Variants in ABCA9 observed in about 807,000 individuals in gnomAD.
The protein encoded by ABCA9 is ATP-binding cassette sub-family A member 9.
In ABCA9, 183 loss-of-function variants were observed where a neutral mutation model predicts 205.3. The observed-to-expected ratio is 0.89, with a 90% CI of 0.79 to 1.01. The LOEUF (loss-of-function observed/expected upper bound fraction) is 1.01, where lower values mean the gene tolerates loss of function less well. Among genes scored for constraint, ABCA9 ranks in the 50% least tolerant of loss-of-function variants. The pLI is 0.00. For missense variants in ABCA9, 1,805 were observed against 1,912.4 expected, an observed-to-expected ratio of 0.94 and a Z score of 1.05; for synonymous variants, 651 against 683.3, an observed-to-expected ratio of 0.95 and a Z score of 0.74.
At chr17:69,044,866 T>A (rs1352642743) in intron 4 of ABCA9, among the ~76,000 whole-genome samples, 1 of 152,240 alleles carries the variant, frequency 6.6e-6, no homozygotes, top group African/African-American at 2.4e-5. Context: ...TTGGATCTTC[T>A]GTTGCTTACG....
At chr17:68,991,080 A>G in intron 28 of ABCA9, 123 bp from the exon 29 acceptor site, 1 of 1,091,758 alleles carries the variant, frequency 9.2e-7, no homozygotes, top group Non-Finnish European at 1.3e-6. Context: ...CATCCTCTCT[A>G]TTCTTCTACT....
chr17:69,054,183 T>C (rs1439629088), intron 1 of ABCA9, among the ~76,000 whole-genome samples: 1 of 151,828 alleles, frequency 6.6e-6, no homozygotes, highest in African/African-American at 2.4e-5. Flanking sequence ...CTTGCAAAAA[T>C]ATGAAAAGAA....
chr17:69,046,866 G>T (rs923968128), intron 3 of ABCA9, among the ~76,000 whole-genome samples: 5 of 127,586 alleles, frequency 3.9e-5, no homozygotes, highest in Non-Finnish European at 3.2e-5. Flanking sequence ...GCCTGAAGGC[G>T]ATTTTATACT....
intron 1 of ABCA9, among the ~76,000 whole-genome samples, chr17:69,053,801 G>A (rs915262311): frequency 1.3e-5 from 2 of 151,894 alleles, no homozygotes; most frequent in Non-Finnish European, 2.9e-5. Context: ...CCCAGATAAC[G>A]GCTAGACACC....
chr17:69,017,959 G>A, intron 20 of ABCA9, 170 bp from the exon 21 acceptor site: 1 of 592,734 alleles, frequency 1.7e-6, no homozygotes, highest in South Asian at 2.7e-5. Flanking sequence ...TAACATCATA[G>A]GTATGACAAG....
rs565044128 is a variant in ABCA9, at chr17:69,020,231, T to A, written c.2600+157A>T. On this transcript the variant is annotated intron_variant, in intron 19 of 38. Transcript: ENST00000340001. ...CTGTTTTAATTATATATCCACATGA[T>A]TAAAAATGGTTTCTTTAATTAAAAA... is the stretch of plus-strand genomic sequence containing the variant. 8.5e-5 allele frequency among the ~76,000 whole-genome samples: 13 copies of A among 152,326 alleles called. 1 individual carries two copies. Among genetic ancestry groups the A allele is most frequent in the African/African-American group, 2.9e-4 (12 of 41,574 alleles).
chr17:69,073,023 A>G, the ABCA9 span, among the ~76,000 whole-genome samples: 2 of 152,234 alleles, frequency 1.3e-5, no homozygotes, highest in Admixed American at 1.3e-4. Flanking sequence ...ATAATGGTAA[A>G]GGGATCAATG....
In ABCA9 at chr17:68,983,862, G is replaced by A; in HGVS notation, c.4500-13C>T. On this transcript the variant is annotated splice_polypyrimidine_tract_variant and intron_variant, in intron 35 of 38. Coordinates refer to ENST00000340001, the MANE Select transcript of ABCA9 (RefSeq NM_080283.4). ...GGAACCAATACATCTGAAGGTAACA[G>A]AAGGATAAAGTCAAGCAAGAAAAGA... 2 of 1,613,998 alleles carry A rather than the reference G, an allele frequency of 1.2e-6. No individual in the cohort carries two copies. Among genetic ancestry groups the A allele is most frequent in the Middle Eastern group, 1.6e-4 (1 of 6,062 alleles).
chr17:68,982,834 ATC>A (rs977292186), intron 36 of ABCA9, among the ~76,000 whole-genome samples, 193 bp from the exon 37 acceptor site: 2 of 152,096 alleles, frequency 1.3e-5, no homozygotes, highest in Non-Finnish European at 2.9e-5. Flanking sequence ...TGGAGATCCC[ATC>A]TCCACAAAAA....
the ABCA9 span, among the ~76,000 whole-genome samples, chr17:69,067,606 A>AAAGAAAGAAAG: frequency 2.3e-5 from 1 of 44,088 alleles, no homozygotes; most frequent in Non-Finnish European, 8.6e-5. Context: ...AAGAAAAAAG[A>AAAGAAAGAAAG]AAGAAAGAAA....
At chr17:69,066,342 T>A in the ABCA9 span, among the ~76,000 whole-genome samples, 5 of 152,264 alleles carry the variant, frequency 3.3e-5, no homozygotes, top group South Asian at 8.3e-4. Flanking sequence ...AAATGTATAA[T>A]ATTGAATGTG....
At position 68,982,641 on chromosome 17, in the gene ABCA9, C is replaced by T; in HGVS notation, c.4641G>A (p.Arg1547=). 2 of 1,613,528 alleles carry T rather than the reference C, an allele frequency of 1.2e-6. No homozygotes were observed. Among genetic ancestry groups the T allele is most frequent in the South Asian group, 1.1e-5 (1 of 91,058 alleles). ...RLFPQAAQQE[R]FSSLMVYKLP... ...ACTTATAGACCATCAGGGAGGAGAA[C>T]CTGCGAAGAGAAGACAGTGAGGCTG... Residue 1547 remains arginine (R), a splice_region_variant and synonymous_variant, in exon 37 of 39, where the codon AGG becomes AGA. Coordinates refer to ENST00000340001, the MANE Select transcript of ABCA9 (RefSeq NM_080283.4).
In ABCA9 at chr17:69,035,359, T is replaced by C. The variant is rs1472220528; in HGVS notation, c.1015A>G (p.Ile339Val). 6.2e-7 allele frequency: 1 copy of C among 1,608,508 alleles called. No homozygotes were observed. The highest frequency in any genetic ancestry group is 1.7e-5 in the Admixed American group (1 of 59,546). The change falls in exon 8 of 39, where the codon ATT (isoleucine) becomes GTT (valine). Residue 339 changes from isoleucine to valine, a missense_variant. By Grantham distance (29) the Ile-to-Val change is conservative. Transcript: ENST00000340001. The stretch of plus-strand genomic sequence containing the variant: ...AATCCCAGGATCCCCCAAAAGACAA[T>C]AAGGAGAAACACAACCAAGCCCGTA... ...FLTGLVVFLL[I>V]VFWGILGFPA... is the part of the protein sequence containing the mutation.
intron 21 of ABCA9, among the ~76,000 whole-genome samples, chr17:69,017,290 G>A (rs1192836680): frequency 6.6e-6 from 1 of 152,062 alleles, no homozygotes; most frequent in Non-Finnish European, 1.5e-5. Context: ...AATGAGCAAA[G>A]CAGTATGCAG....
chr17:69,044,762 G>A (rs1470977123), intron 4 of ABCA9, among the ~76,000 whole-genome samples, 162 bp from the exon 5 acceptor site: 1 of 152,184 alleles, frequency 6.6e-6, no homozygotes, highest in East Asian at 1.9e-4. Flanking sequence ...GAATATAGCA[G>A]AATTACTTTA....
intron 22 of ABCA9, among the ~76,000 whole-genome samples, chr17:69,013,899 G>A (rs1372358375): frequency 1.3e-5 from 2 of 152,130 alleles, no homozygotes; most frequent in African/African-American, 4.8e-5. Context: ...GCTGGGTGGG[G>A]AAACCAGAGG....
In ABCA9 at chr17:69,049,454, A is replaced by G. The variant is rs377625668; in HGVS notation, c.133T>C (p.Tyr45His). 6 of 1,612,852 alleles carry G rather than the reference A, an allele frequency of 3.7e-6. No homozygotes were observed. Among genetic ancestry groups the G allele is most frequent in the African/African-American group, 1.3e-5 (1 of 74,864 alleles). ...TGATGTAAATTGGAGAAAAATAGGT[A>G]CAGAAACAGTACCAGAAGAAATGAA... ...LFSFLLVLFL[Y>H]LFFSNLHQVH... The change falls in exon 3 of 39, where the codon TAC becomes CAC. Residue 45 changes from tyrosine (Y) to histidine (H), a missense_variant. Tyr to His is a moderately conservative substitution (Grantham distance 83, BLOSUM62 2). Coordinates refer to ENST00000340001, the MANE Select transcript of ABCA9 (RefSeq NM_080283.4).
rs1465022655 is a variant in ABCA9 at position 69,027,804 on chromosome 17, C to A, written c.1627G>T (p.Val543Phe). Residue 543 changes from valine (V) to phenylalanine (F), a missense_variant, in exon 13 of 39, where the codon GTC becomes TTC. Coordinates refer to ENST00000340001, the MANE Select transcript of ABCA9 (RefSeq NM_080283.4). ...ATTCTTGAAAGTGTGTGATTATAGA[C>A]AGTGACTGAACCTGAAAGCAGAAGG... ...LSVPTSGSVT[V>F]YNHTLSRMAD... The A allele has an allele frequency of 6.2e-7, 1 of 1,606,824 alleles. No homozygotes were observed. Among genetic ancestry groups the A allele is most frequent in the Non-Finnish European group, 8.5e-7 (1 of 1,176,900 alleles).
intron 25 of ABCA9, among the ~76,000 whole-genome samples, chr17:69,006,165 T>G (rs2070118936): frequency 1.3e-5 from 2 of 152,232 alleles, no homozygotes; most frequent in African/African-American, 4.8e-5. Context: ...ATCCCCCATA[T>G]CATCCCCTGG....
Sources: allele counts gnomAD v4.1 joint callset (sites outside exome capture counted in the v4.1 genomes callset), GRCh38; gene constraint gnomAD v4.1.1; transcripts MANE v1.5; gene names NCBI Gene and HGNC (gene_info 2026-07-23, HGNC 2026-07-21).